The following MARCHF1 variants were observed in gnomAD, a reference collection of about 807,000 sequenced individuals.
MARCHF1 encodes the protein membrane associated ring-CH-type finger 1.
MARCHF1 carries 40 observed loss-of-function variants against 54.2 expected under a neutral mutation model. The observed-to-expected ratio is 0.74, with a 90% CI of 0.57 to 0.96. MARCHF1 has a LOEUF of 0.96. Among genes scored for constraint, MARCHF1 ranks in the 40% least tolerant of loss-of-function variants. MARCHF1 has a pLI of 0.00. For synonymous variants in MARCHF1, 236 were observed against 236.3 expected, an observed-to-expected ratio of 1.00 and a Z score of 0.01; for missense variants, 586 against 656.5, an observed-to-expected ratio of 0.89 and a Z score of 1.17.
At chr4:163,802,292 G>A (rs1748103501) in intron 4 of MARCHF1, among the ~76,000 whole-genome samples, 1 of 152,116 alleles carries the variant, frequency 6.6e-6, no homozygotes, top group African/African-American at 2.4e-5. Flanking sequence ...AACCAAAAAG[G>A]TGGGCCTATA....
At chr4:163,907,008 T>C (rs1382658278) in intron 3 of MARCHF1, among the ~76,000 whole-genome samples, 1 of 152,074 alleles carries the variant, frequency 6.6e-6, no homozygotes, top group African/African-American at 2.4e-5. Context: ...ATGTGATGCA[T>C]TCCTTTTTAA....
At chr4:164,129,772 T>C (rs1756262924) in intron 1 of MARCHF1, among the ~76,000 whole-genome samples, 1 of 152,002 alleles carries the variant, frequency 6.6e-6, no homozygotes, top group African/African-American at 2.4e-5. Flanking sequence ...GGGAACAACA[T>C]ACACTGGGAC....
intron 1 of MARCHF1, among the ~76,000 whole-genome samples, chr4:164,141,568 G>GA (rs1314974488): frequency 2.0e-5 from 3 of 152,042 alleles, no homozygotes; most frequent in African/African-American, 7.2e-5. Context: ...CTCTCTTACG[G>GA]AAAAAAGAAG....
At chr4:163,720,013 C>T (rs545592347) in intron 4 of MARCHF1, among the ~76,000 whole-genome samples, 1 of 152,292 alleles carries the variant, frequency 6.6e-6, no homozygotes, top group South Asian at 2.1e-4. Context: ...TTTTGCTGTG[C>T]AGAAGCTCTT....
At chr4:163,998,046 A>G (rs1579449280) in intron 2 of MARCHF1, among the ~76,000 whole-genome samples, 1 of 83,484 alleles carries the variant, frequency 1.2e-5, no homozygotes, top group Non-Finnish European at 2.5e-5. Context: ...TTATTACCCT[A>G]AGAAAATTTC....
At chr4:163,665,922 G>A (rs1208351861) in intron 5 of MARCHF1, among the ~76,000 whole-genome samples, 3 of 152,142 alleles carry the variant, frequency 2.0e-5, no homozygotes, top group African/African-American at 7.2e-5. Context: ...TGCTGAGGAG[G>A]ATACTGTACC....
rs1048209031 is a variant in MARCHF1, at chr4:163,965,402, A to G, written c.-39+23099T>C. 2.0e-5 allele frequency among the ~76,000 whole-genome samples: 3 copies of G among 152,140 alleles called. 1 individual carries two copies. The South Asian group carries it at 6.2e-4, about 32-fold the overall frequency. On this transcript the variant is annotated intron_variant, in intron 3 of 9. Coordinates refer to ENST00000514618, the MANE Select transcript of MARCHF1 (RefSeq NM_001394959.1). ...ACACAGTAAGACTATTATTTTCAGC[A>G]TCCCCATTTTATAGATGAGGAAACT...
chr4:164,112,912 A>C (rs1755863986), intron 1 of MARCHF1, among the ~76,000 whole-genome samples: 1 of 117,006 alleles, frequency 8.5e-6, no homozygotes, highest in Non-Finnish European at 1.7e-5. Flanking sequence ...TTAATAAATT[A>C]TGTATTACAA....
At chr4:163,808,032 C>T (rs1350848096) in intron 4 of MARCHF1, among the ~76,000 whole-genome samples, 1 of 152,176 alleles carries the variant, frequency 6.6e-6, no homozygotes, top group Non-Finnish European at 1.5e-5. Context: ...TTGCCTCACT[C>T]CTACACATAT....
intron 3 of MARCHF1, among the ~76,000 whole-genome samples, chr4:163,956,977 C>A (rs1560835550): frequency 6.6e-6 from 1 of 151,994 alleles, no homozygotes; most frequent in African/African-American, 2.4e-5. Context: ...TTATTAGAAT[C>A]TTCAGAAAAT....
chr4:163,580,574 C>A lies in MARCHF1; in HGVS notation c.1191+5175G>T, dbSNP rs988772282. On this transcript the variant is annotated intron_variant, in intron 8 of 9. Coordinates refer to ENST00000514618, the MANE Select transcript of MARCHF1 (RefSeq NM_001394959.1). ...TTAAAACATAGCAGGATGTAGAAAG[C>A]AGAATGGAGATAAACAGCCTTATAT... is the stretch of plus-strand genomic sequence containing the variant. Among the ~76,000 whole-genome samples, 4 of 152,112 alleles carry A rather than the reference C, an allele frequency of 2.6e-5. No homozygotes were observed. In the South Asian group the frequency reaches 8.3e-4, roughly 31 times the overall value.
rs1268302989 is a variant in MARCHF1, at chr4:164,211,395, C to CAT, written c.-322-99734_-322-99733insAT. On this transcript the variant is annotated intron_variant, in intron 1 of 9. Transcript: ENST00000514618. ...GCATATTTGTATATATATACACACACACATATATATATATATACCAATTGC... is the reference window on the plus strand; with the variant it reads ...GCATATTTGTATATATATACACACACATACATATATATATATATACCAATTGC... Among the ~76,000 whole-genome samples the CAT allele has an allele frequency of 6.1e-5, 9 of 148,210 alleles. No homozygotes were observed. In the East Asian group the frequency reaches 1.4e-3, roughly 23 times the overall value.
chr4:164,277,727 T>G (rs1733922328), intron 1 of MARCHF1, among the ~76,000 whole-genome samples: 1 of 152,228 alleles, frequency 6.6e-6, no homozygotes, highest in African/African-American at 2.4e-5. Context: ...CTTTTATATT[T>G]TAACAAATTA....
chr4:163,613,259 G>T, intron 6 of MARCHF1, 55 bp downstream of exon 6: 1 of 1,516,570 alleles, frequency 6.6e-7, no homozygotes, highest in South Asian at 1.3e-5. Flanking sequence ...CAAACAACAA[G>T]AATACGAATA....
At chr4:163,779,803 C>T (rs1747411440) in intron 4 of MARCHF1, among the ~76,000 whole-genome samples, 1 of 152,122 alleles carries the variant, frequency 6.6e-6, no homozygotes, top group Non-Finnish European at 1.5e-5. Flanking sequence ...TCTCTGTCAT[C>T]CACTGCCTAC....
chr4:164,071,166 CA>C (rs1754855545), intron 2 of MARCHF1, among the ~76,000 whole-genome samples: 1 of 152,102 alleles, frequency 6.6e-6, no homozygotes, highest in African/African-American at 2.4e-5. Flanking sequence ...TGACCTTTTT[CA>C]AATGTAAAAA....
chr4:163,903,964 T>C (rs1751000133), intron 3 of MARCHF1, among the ~76,000 whole-genome samples: 1 of 152,172 alleles, frequency 6.6e-6, no homozygotes, highest in South Asian at 2.1e-4. Context: ...ATAAAAGCTA[T>C]CTAAATAGTG....
chr4:163,847,058 C>A (rs1052060326), intron 4 of MARCHF1, among the ~76,000 whole-genome samples: 6 of 152,020 alleles, frequency 3.9e-5, no homozygotes, highest in African/African-American at 1.4e-4. Flanking sequence ...TATTGAAATA[C>A]CCAAGTGGGC....
intron 5 of MARCHF1, among the ~76,000 whole-genome samples, chr4:163,643,810 G>C (rs1357957872): frequency 6.6e-6 from 1 of 151,964 alleles, no homozygotes; most frequent in African/African-American, 2.4e-5. Context: ...ATTTTTCAAA[G>C]CAAGCTTTTA....
Sources: gnomAD v4.1 joint callset for allele counts (sites outside exome capture counted in the v4.1 genomes callset) on GRCh38, gnomAD v4.1.1 for gene constraint, MANE v1.5 for transcripts, NCBI Gene and HGNC (gene_info 2026-07-23, HGNC 2026-07-21) for gene names.